The following TYW1 variants were observed in gnomAD, a reference collection of about 807,000 sequenced individuals.
TYW1 encodes the protein S-adenosyl-L-methionine-dependent tRNA 4-demethylwyosine synthase TYW1.
TYW1 carries 46 observed loss-of-function variants against 96.2 expected under a neutral mutation model. The ratio of observed to expected loss-of-function variants is 0.48; its 90% CI spans 0.38 to 0.61. TYW1 has a LOEUF of 0.61. Among genes scored for constraint, TYW1 ranks in the 20% least tolerant of loss-of-function variants. TYW1 has a pLI of 0.00. For missense variants in TYW1, 684 were observed against 909.6 expected, an observed-to-expected ratio of 0.75 and a Z score of 3.19; for synonymous variants, 274 against 323.0, an observed-to-expected ratio of 0.85 and a Z score of 1.63.
At chr7:67,068,083 G>A (rs572253892) in intron 10 of TYW1, among the ~76,000 whole-genome samples, 133 of 150,624 alleles carry the variant, frequency 8.8e-4, no homozygotes, top group Non-Finnish European at 1.6e-3. Context: ...GGGCAATGGC[G>A]TCATCTTGGC....
At chr7:67,086,180 T>C (rs1172866377) in intron 11 of TYW1, among the ~76,000 whole-genome samples, 1 of 152,168 alleles carries the variant, frequency 6.6e-6, no homozygotes, top group African/African-American at 2.4e-5. Context: ...AGTTACATTC[T>C]TATACTTGGA....
intron 12 of TYW1, among the ~76,000 whole-genome samples, chr7:67,112,120 A>AAAAAAAG (rs1424171580): frequency 4.0e-5 from 6 of 148,672 alleles, no homozygotes; most frequent in Non-Finnish European, 8.9e-5. Context: ...AAAAAAAAAA[A>AAAAAAAG]AAAGAAAGTG....
chr7:67,230,891 C>T (rs1191700513), intron 15 of TYW1, among the ~76,000 whole-genome samples: 2 of 151,932 alleles, frequency 1.3e-5, no homozygotes, highest in South Asian at 2.1e-4. Flanking sequence ...CCACCCACCT[C>T]GGCCTCCCAA....
Position 67,052,202 on chromosome 7 carries a change from A to G in TYW1, c.1102+2136A>G, listed in dbSNP as rs543951781. On this transcript the variant is annotated intron_variant, in intron 8 of 15. Transcript: ENST00000359626. ...TTTGTGGATTTATGGTCTTCATGAA[A>G]TTCGGACAAATTTTGGCCATTATTT... is the stretch of plus-strand genomic sequence containing the variant. Among the ~76,000 whole-genome samples the G allele has an allele frequency of 2.0e-5, 3 of 152,278 alleles. No homozygotes were observed. The South Asian group carries it at 6.2e-4, about 32-fold the overall frequency.
At chr7:67,057,013 T>C (rs918142909) in intron 9 of TYW1, among the ~76,000 whole-genome samples, 2 of 149,320 alleles carry the variant, frequency 1.3e-5, no homozygotes, top group African/African-American at 4.9e-5. Flanking sequence ...TTGAGTTTTT[T>C]CTTTTCTTTT....
At chr7:67,127,932 A>G (rs137968593) in intron 13 of TYW1, among the ~76,000 whole-genome samples, 1,626 of 151,998 alleles carry the variant, frequency 0.011, 12 homozygotes, top group Non-Finnish European at 0.015. Flanking sequence ...TTCCTTTTCT[A>G]TAGGTAAGGC....
intron 13 of TYW1, among the ~76,000 whole-genome samples, chr7:67,157,778 G>A (rs559766996): frequency 6.6e-6 from 1 of 152,106 alleles, no homozygotes; most frequent in Non-Finnish European, 1.5e-5. Context: ...TGAAAGTTTT[G>A]AGCAGGACTG....
At position 67,079,016 on chromosome 7, in the gene TYW1, A is replaced by G. The variant is rs569058120; in HGVS notation, c.1275-4414A>G. ...GCTGAGGATTTTTATACCTTTGTTT[A>G]TCAGGGATATTGGCATGCTATTTTC... On this transcript the variant is annotated intron_variant, in intron 10 of 15. Transcript: ENST00000359626. Among the ~76,000 whole-genome samples, 95 of 152,214 alleles carry G rather than the reference A, an allele frequency of 6.2e-4. 1 individual carries two copies. In the South Asian group the frequency reaches 0.019, roughly 31 times the overall value.
intron 10 of TYW1, among the ~76,000 whole-genome samples, chr7:67,072,245 C>A (rs1189938262): frequency 7.2e-6 from 1 of 139,642 alleles, no homozygotes; most frequent in Admixed American, 7.2e-5. Context: ...ACCCCTCTAC[C>A]CACTTTTTTT....
rs1011272593 is a variant in TYW1, at chr7:67,137,137, AT to A, written c.1698+19524del. 9.2e-5 allele frequency among the ~76,000 whole-genome samples: 14 copies of A among 151,936 alleles called. 1 individual carries two copies. The South Asian group carries it at 1.9e-3, about 20-fold the overall frequency. ...CTTTGTTTTGTTATTTTCCTACAGGATTTTTGGTTGGGAATCGGTTGTTTCA... is the reference window on the plus strand; with the variant it reads ...CTTTGTTTTGTTATTTTCCTACAGGATTTTGGTTGGGAATCGGTTGTTTCA... On this transcript the variant is annotated intron_variant, in intron 13 of 15. Transcript: ENST00000359626.
At chr7:67,026,381 GA>G (rs1363238328) in intron 7 of TYW1, among the ~76,000 whole-genome samples, 21 of 152,300 alleles carry the variant, frequency 1.4e-4, no homozygotes, top group South Asian at 4.1e-4. Context: ...CCTACCTACA[GA>G]TTAATTTAAA....
chr7:67,186,018 A>T (rs1392189540), intron 14 of TYW1, among the ~76,000 whole-genome samples: 1 of 143,278 alleles, frequency 7.0e-6, no homozygotes, highest in Non-Finnish European at 1.5e-5. Context: ...GGCTGAAGAC[A>T]CTCTTGAAAT....
chr7:67,136,970 C>G (rs982727595), intron 13 of TYW1, among the ~76,000 whole-genome samples: 1 of 151,310 alleles, frequency 6.6e-6, no homozygotes, highest in Non-Finnish European at 1.5e-5. Flanking sequence ...TTACAGGTGC[C>G]TGCCACCACA....
chr7:67,207,705 C>CATTTTGT (rs1800856129), intron 15 of TYW1, among the ~76,000 whole-genome samples: 1 of 79,034 alleles, frequency 1.3e-5, no homozygotes, highest in Admixed American at 1.3e-4. Flanking sequence ...GAGATGGAGT[C>CATTTTGT]ATTTTGTTTG....
chr7:67,186,265 T>TC (rs56401730), intron 14 of TYW1, among the ~76,000 whole-genome samples: 19 of 68,370 alleles, frequency 2.8e-4, no homozygotes, highest in South Asian at 1.0e-3. Flanking sequence ...CTTCCTTTCT[T>TC]CCCCCCCGCC....
Position 67,161,682 on chromosome 7 carries a change from T to A in TYW1, c.1699-21444T>A, listed in dbSNP as rs1799167106. On this transcript the variant is annotated intron_variant, in intron 13 of 15. Coordinates refer to ENST00000359626, the MANE Select transcript of TYW1 (RefSeq NM_018264.4). ...TGACCATGTGTCCATTATATATATA[T>A]TATTTAGTAAATAATGCACATTAGA... is the stretch of plus-strand genomic sequence containing the variant. Among the ~76,000 whole-genome samples, 4 of 152,180 alleles carry A rather than the reference T, an allele frequency of 2.6e-5. No individual in the cohort carries two copies. In the South Asian group the frequency reaches 8.3e-4, roughly 31 times the overall value.
chr7:67,049,590 A>G (rs1477622292), intron 7 of TYW1, among the ~76,000 whole-genome samples: 1 of 152,090 alleles, frequency 6.6e-6, no homozygotes, highest in East Asian at 1.9e-4. Flanking sequence ...TCTGTTGCCC[A>G]GGCTGGAGTA....
chr7:67,055,980 A>T, intron 9 of TYW1, 93 bp downstream of exon 9: 1 of 949,698 alleles, frequency 1.1e-6, no homozygotes, highest in Non-Finnish European at 1.5e-6. Flanking sequence ...ATTTAGAGGT[A>T]TAATTTACAT....
intron 8 of TYW1, 127 bp from the exon 9 acceptor site, chr7:67,055,708 T>A (rs1795488927): frequency 1.8e-6 from 1 of 561,782 alleles, no homozygotes. Flanking sequence ...TAATGTTTCC[T>A]GCCATGGGTT....
Sources: gnomAD v4.1 joint callset for allele counts (sites outside exome capture counted in the v4.1 genomes callset) on GRCh38, gnomAD v4.1.1 for gene constraint, MANE v1.5 for transcripts, NCBI Gene and HGNC (gene_info 2026-07-23, HGNC 2026-07-21) for gene names.